Variants in XRN2 observed in about 807,000 individuals in gnomAD.
XRN2 encodes DHM1-like protein.
XRN2 carries 44 observed loss-of-function variants against 138.5 expected under a neutral mutation model. The ratio of observed to expected loss-of-function variants is 0.32; its 90% CI spans 0.25 to 0.41. XRN2 has a LOEUF of 0.41. XRN2 is among the 10% of genes least tolerant of loss of function. The pLI is 1.00. For missense variants in XRN2, 937 were observed against 1,169.3 expected, an observed-to-expected ratio of 0.80 and a Z score of 2.90; for synonymous variants, 354 against 369.4, an observed-to-expected ratio of 0.96 and a Z score of 0.48.
At chr20:21,332,020 TTCAACCTTTTAACTCCCCATACCTTTA>T (rs1332654864) in intron 8 of XRN2, among the ~76,000 whole-genome samples, 7 of 152,226 alleles carry the variant, frequency 4.6e-5, no homozygotes, top group Non-Finnish European at 1.0e-4. Flanking sequence ...TCTTACATTT[TTCAACCTTTTAACTCCCCATACCTTTA>T]AAATGGAGAA....
At chr20:21,312,220 C>A (rs2037890992) in intron 1 of XRN2, among the ~76,000 whole-genome samples, 1 of 151,884 alleles carries the variant, frequency 6.6e-6, no homozygotes, top group Non-Finnish European at 1.5e-5. Flanking sequence ...TCACGCCATT[C>A]TCCTGCCTCA....
intron 1 of XRN2, among the ~76,000 whole-genome samples, chr20:21,308,861 T>A (rs2037839467): frequency 6.6e-6 from 1 of 152,198 alleles, no homozygotes; most frequent in South Asian, 2.1e-4. Context: ...TTTCTGCTTT[T>A]TGTATTTAAG....
chr20:21,352,454 G>T (rs544815374), intron 20 of XRN2, among the ~76,000 whole-genome samples: 1 of 151,922 alleles, frequency 6.6e-6, no homozygotes, highest in African/African-American at 2.4e-5. Flanking sequence ...TCAGTCTCCT[G>T]AGTAGCTGGG....
At chr20:21,324,757 C>T (rs775248052) in intron 1 of XRN2, among the ~76,000 whole-genome samples, 3 of 152,142 alleles carry the variant, frequency 2.0e-5, no homozygotes, top group Non-Finnish European at 2.9e-5. Context: ...CCTCAGCTTC[C>T]GAAGTAGCTG....
At chr20:21,321,270 T>C (rs1227298757) in intron 1 of XRN2, among the ~76,000 whole-genome samples, 2 of 147,798 alleles carry the variant, frequency 1.4e-5, no homozygotes, top group Non-Finnish European at 3.0e-5. Context: ...CCCGAATTGC[T>C]CTGATTATAG....
At chr20:21,366,222 ATATATATAT>A (rs1393524708) in intron 26 of XRN2, among the ~76,000 whole-genome samples, 2 of 132,722 alleles carry the variant, frequency 1.5e-5, no homozygotes, top group Non-Finnish European at 3.1e-5. Flanking sequence ...TATAGTTTAT[ATATATATAT>A]TATATATATA....
chr20:21,345,076 C>T (rs561507801), intron 16 of XRN2, among the ~76,000 whole-genome samples: 113 of 152,294 alleles, frequency 7.4e-4, no homozygotes, highest in African/African-American at 2.6e-3. Context: ...TCTTTGATTT[C>T]AGATCCATGT....
intron 19 of XRN2, among the ~76,000 whole-genome samples, chr20:21,348,870 C>G (rs771975458): frequency 6.6e-6 from 1 of 152,114 alleles, no homozygotes; most frequent in African/African-American, 2.4e-5. Flanking sequence ...GTCTTGATCT[C>G]GTGACCTCGT....
chr20:21,336,782 A>G (rs2038301099), intron 13 of XRN2, among the ~76,000 whole-genome samples: 1 of 152,222 alleles, frequency 6.6e-6, no homozygotes, highest in Non-Finnish European at 1.5e-5. Context: ...GTGAGGAGGC[A>G]TCTGGGAAGG....
chr20:21,325,887 CT>C (rs1041101774), intron 1 of XRN2, among the ~76,000 whole-genome samples: 7 of 152,102 alleles, frequency 4.6e-5, no homozygotes, highest in African/African-American at 1.7e-4. Flanking sequence ...GAGATGGTAA[CT>C]TCTTGTTGTT....
At chr20:21,347,003 C>T (rs957064741) in intron 17 of XRN2, among the ~76,000 whole-genome samples, 2 of 152,002 alleles carry the variant, frequency 1.3e-5, no homozygotes, top group African/African-American at 4.8e-5. Context: ...TTCAGAAGTC[C>T]GTATTTGTAA....
intron 15 of XRN2, among the ~76,000 whole-genome samples, chr20:21,342,182 T>G (rs1402707987): frequency 6.6e-6 from 1 of 152,224 alleles, no homozygotes; most frequent in Admixed American, 6.5e-5. Flanking sequence ...AAGGGAGCCA[T>G]TAAAGTTACA....
intron 3 of XRN2, 33 bp downstream of exon 3, chr20:21,326,634 TG>T (rs747378978): frequency 5.2e-5 from 81 of 1,556,840 alleles, no homozygotes; most frequent in Admixed American, 3.9e-5. Context: ...GCCTCCATTT[TG>T]TTTTTTTTTG....
chr20:21,330,841 C>T, intron 6 of XRN2, 136 bp downstream of exon 6: 1 of 883,606 alleles, frequency 1.1e-6, no homozygotes. Context: ...GAAAAGCTTC[C>T]AGGGTTTTTG....
chr20:21,389,463 T>A lies in XRN2; in HGVS notation c.*125T>A. 1.2e-6 allele frequency: 1 copy of A among 841,126 alleles called. No homozygotes were observed. The highest frequency in any genetic ancestry group is 1.8e-6 in the Non-Finnish European group (1 of 552,676). The allele number at this position is 841,126 out of a possible 1,614,324, so 52.1% of individuals were successfully genotyped here. On this transcript the variant is annotated 3_prime_UTR_variant, in exon 30 of 30. Coordinates refer to ENST00000377191, the MANE Select transcript of XRN2 (RefSeq NM_012255.5). ...GTACTTTGTGTATTTCTTTTAACTG[T>A]GTATATTTCTACTGATCTGATCTCA...
rs17744301 is a variant in XRN2 at position 21,359,078 on chromosome 20, A to C, written c.2255+1286A>C. Among the ~76,000 whole-genome samples, 304 of 152,286 alleles carry C rather than the reference A, an allele frequency of 2.0e-3. 2 individuals carry two copies. The East Asian group carries it at 0.045, about 23-fold the overall frequency. ...CTCTAGAAATAGTTAATTCTACTTA[A>C]CTTTCTAATTAGGATAGAGAGGCTT... On this transcript the variant is annotated intron_variant, in intron 24 of 29. Coordinates refer to ENST00000377191, the MANE Select transcript of XRN2 (RefSeq NM_012255.5).
At position 21,303,350 on chromosome 20, in the gene XRN2, T is replaced by G. The variant is rs1199553039; in HGVS notation, c.-49T>G. 1.3e-6 allele frequency: 2 copies of G among 1,537,936 alleles called. No individual in the cohort carries two copies. Among genetic ancestry groups the G allele is most frequent in the East Asian group, 5.1e-5 (2 of 39,058 alleles). On this transcript the variant is annotated 5_prime_UTR_variant, in exon 1 of 30. Coordinates refer to ENST00000377191, the MANE Select transcript of XRN2 (RefSeq NM_012255.5). ...CCCTCTGCCGCTGCTCCCGTCTCTTTGGTTACGCTCGTCAGCCGGTCGGCC... is the reference window on the plus strand; with the variant it reads ...CCCTCTGCCGCTGCTCCCGTCTCTTGGGTTACGCTCGTCAGCCGGTCGGCC...
At chr20:21,316,516 A>G (rs577660296) in intron 1 of XRN2, among the ~76,000 whole-genome samples, 15 of 152,106 alleles carry the variant, frequency 9.9e-5, no homozygotes, top group Non-Finnish European at 2.1e-4. Flanking sequence ...TTGGCTATCT[A>G]GTTGTCCTAC....
intron 1 of XRN2, among the ~76,000 whole-genome samples, chr20:21,314,654 CTT>C (rs112271498): frequency 2.7e-5 from 4 of 145,856 alleles, no homozygotes; most frequent in Admixed American, 6.9e-5. Flanking sequence ...GCTTGGCTAA[CTT>C]TTTTTTTTTT....
Sources: allele counts gnomAD v4.1 joint callset (sites outside exome capture counted in the v4.1 genomes callset), GRCh38; gene constraint gnomAD v4.1.1; transcripts MANE v1.5; gene names NCBI Gene and HGNC (gene_info 2026-07-23, HGNC 2026-07-21).